The following MRPL21 variants were observed in gnomAD, a reference collection of about 807,000 sequenced individuals.
The protein encoded by MRPL21 is large ribosomal subunit protein bL21m.
Under a neutral mutation model 27.3 loss-of-function variants are expected in MRPL21, and 20 were observed. The observed-to-expected ratio is 0.73, with a 90% CI of 0.52 to 1.06. MRPL21 has a LOEUF of 1.06. MRPL21 is among the 50% of genes least tolerant of loss of function. MRPL21 has a pLI of 0.00. For missense variants in MRPL21, 249 were observed against 251.4 expected, an observed-to-expected ratio of 0.99 and a Z score of 0.06; for synonymous variants, 98 against 101.5, an observed-to-expected ratio of 0.97 and a Z score of 0.21.
rs374183424 is a variant in MRPL21, at chr11:68,892,980, G to C, written c.463C>G (p.Arg155Gly). The C allele has an allele frequency of 6.3e-7, 1 of 1,597,282 alleles. No individual in the cohort carries two copies. Among genetic ancestry groups the C allele is most frequent in the Admixed American group, 1.8e-5 (1 of 57,094 alleles). Residue 155 changes from arginine (R) to glycine (G), a missense_variant, in exon 6 of 7, where the codon CGA (arginine) becomes GGA (glycine). By Grantham distance (125) the Arg-to-Gly change is moderately radical (BLOSUM62 -2). Coordinates refer to ENST00000362034, the MANE Select transcript of MRPL21 (RefSeq NM_181514.2). Reference protein sequence around the residue: ...GKPLLGKDLVRVEATVIEKTE... With the variant: ...GKPLLGKDLVGVEATVIEKTE... The stretch of plus-strand genomic sequence containing the variant: ...TTTTCAATGACTGTGGCTTCTACTC[G>C]AACAAGATCCTTTCTAGAAGGAAGA...
Position 68,892,949 on chromosome 11 carries a change from T to C in MRPL21, c.494A>G (p.Glu165Gly). 6.2e-7 allele frequency: 1 copy of C among 1,612,392 alleles called. No homozygotes were observed. The highest frequency in any genetic ancestry group is 8.5e-7 in the Non-Finnish European group (1 of 1,179,206). Reference sequence around the variant, plus strand: ...TCTCATAATGATTCTTGGCCATGATTCTGTCTTTTCAATGACTGTGGCTTC... The same window carrying C: ...TCTCATAATGATTCTTGGCCATGATCCTGTCTTTTCAATGACTGTGGCTTC... ...RVEATVIEKT[E>G]SWPRIIMRFR... The change falls in exon 6 of 7, where the codon GAA becomes GGA. Residue 165 changes from glutamate to glycine, a missense_variant. Transcript: ENST00000362034.
intron 4 of MRPL21, among the ~76,000 whole-genome samples, chr11:68,893,965 T>C (rs1857717461): frequency 1.3e-5 from 2 of 151,886 alleles, no homozygotes; most frequent in South Asian, 2.1e-4. Flanking sequence ...TCCCAGCTAC[T>C]CAGGAGGCTG....
chr11:68,894,327 C>A (rs1215100377), intron 4 of MRPL21, among the ~76,000 whole-genome samples: 1 of 152,204 alleles, frequency 6.6e-6, no homozygotes, highest in Non-Finnish European at 1.5e-5. Context: ...GTCACCCAGG[C>A]TGGAGTGCAG....
intron 1 of MRPL21, 59 bp downstream of exon 1, chr11:68,903,664 G>C: frequency 1.3e-6 from 2 of 1,574,426 alleles, no homozygotes; most frequent in Non-Finnish European, 1.7e-6. Context: ...TACGTGGCGA[G>C]ACCGCAGGGA....
At chr11:68,900,471 T>C in intron 2 of MRPL21, 77 bp downstream of exon 2, 9 of 1,271,898 alleles carry the variant, frequency 7.1e-6, no homozygotes, top group Non-Finnish European at 1.0e-5. Flanking sequence ...AACCAAAAGG[T>C]AGGAAGTTTT....
chr11:68,893,281 T>G (rs1252360757), intron 5 of MRPL21, 122 bp downstream of exon 5: 2 of 1,529,318 alleles, frequency 1.3e-6, no homozygotes, highest in Non-Finnish European at 1.8e-6. Flanking sequence ...GTATAAATGT[T>G]GTGTTTGGTG....
intron 1 of MRPL21, among the ~76,000 whole-genome samples, chr11:68,902,355 T>C (rs77999249): frequency 0.037 from 5,597 of 152,312 alleles, 343 homozygotes; most frequent in African/African-American, 0.13. Context: ...ATGTCAAGCA[T>C]ACAAAAGTAA....
rs374183424 is a variant in MRPL21 at position 68,892,980 on chromosome 11, G to A, written c.463C>T (p.Arg155Ter). The A allele has an allele frequency of 7.5e-6, 12 of 1,597,164 alleles. No homozygotes were observed. Among genetic ancestry groups the A allele is most frequent in the East Asian group, 2.2e-5 (1 of 44,766 alleles). ...GKPLLGKDLV[R>*]VEATVIEKTE... The stretch of plus-strand genomic sequence containing the variant: ...TTTTCAATGACTGTGGCTTCTACTC[G>A]AACAAGATCCTTTCTAGAAGGAAGA... The change falls in exon 6 of 7, where the codon CGA becomes TGA. Residue 155 changes from arginine to a stop codon, truncating the protein, a stop_gained. Coordinates refer to ENST00000362034, the MANE Select transcript of MRPL21 (RefSeq NM_181514.2). LOFTEE classifies it high-confidence loss of function.
At chr11:68,900,412 T>C in intron 2 of MRPL21, 136 bp downstream of exon 2, 2 of 876,938 alleles carry the variant, frequency 2.3e-6, no homozygotes, top group East Asian at 5.1e-5. Flanking sequence ...GGAAACATAG[T>C]GAAACTCTGT....
In MRPL21 at chr11:68,892,995, T is replaced by C. The variant is rs1285583963; in HGVS notation, c.450-2A>G. ...GCTTCTACTCGAACAAGATCCTTTCTAGAAGGAAGAAAAATCAACAATAAT... is the reference window on the plus strand; with the variant it reads ...GCTTCTACTCGAACAAGATCCTTTCCAGAAGGAAGAAAAATCAACAATAAT... On this transcript the variant is annotated splice_acceptor_variant, in intron 5 of 6. Coordinates refer to ENST00000362034, the MANE Select transcript of MRPL21 (RefSeq NM_181514.2). LOFTEE classifies it high-confidence loss of function. 2.6e-6 allele frequency: 4 copies of C among 1,566,774 alleles called. No individual in the cohort carries two copies. The highest frequency in any genetic ancestry group is 1.4e-5 in the African/African-American group (1 of 72,944).
intron 2 of MRPL21, among the ~76,000 whole-genome samples, chr11:68,900,231 A>G (rs2154006028): frequency 6.6e-6 from 1 of 152,372 alleles, no homozygotes; most frequent in South Asian, 2.1e-4. Flanking sequence ...GAGAGCAAAC[A>G]CATACAGAAT....
chr11:68,896,771 G>C, intron 3 of MRPL21, 93 bp from the exon 4 acceptor site: 1 of 1,537,216 alleles, frequency 6.5e-7, no homozygotes, highest in South Asian at 1.2e-5. Flanking sequence ...GGGGCCCTAG[G>C]GTGGACCTGA....
Position 68,896,498 on chromosome 11 carries a change from A to C in MRPL21, c.396+17T>G, listed in dbSNP as rs979017784. Reference sequence around the variant, plus strand: ...TGGCTGAGTCCCTGAATATCCAGAGAAGCTCGGTGGTCTCACCTTCTCCAG... The same window carrying C: ...TGGCTGAGTCCCTGAATATCCAGAGCAGCTCGGTGGTCTCACCTTCTCCAG... On this transcript the variant is annotated intron_variant, in intron 4 of 6. Transcript: ENST00000362034. The C allele has an allele frequency of 1.9e-6, 3 of 1,613,188 alleles. No individual in the cohort carries two copies. The African/African-American group carries it at 4.0e-5, about 22-fold the overall frequency.
intron 6 of MRPL21, 136 bp from the exon 7 acceptor site, chr11:68,891,531 T>G: frequency 1.2e-6 from 1 of 841,294 alleles, no homozygotes; most frequent in Admixed American, 1.8e-5. Flanking sequence ...CGTGTTTATC[T>G]CCAGGTGTGC....
At chr11:68,895,059 G>C (rs1228544220) in intron 4 of MRPL21, among the ~76,000 whole-genome samples, 1 of 152,210 alleles carries the variant, frequency 6.6e-6, no homozygotes, top group Non-Finnish European at 1.5e-5. Context: ...GAGGTTGGGA[G>C]TTCAAGACCA....
intron 3 of MRPL21, 162 bp downstream of exon 3, chr11:68,897,765 G>A (rs949676035): frequency 1.3e-5 from 8 of 604,556 alleles, no homozygotes; most frequent in African/African-American, 7.4e-5. Flanking sequence ...TGAAATTCTG[G>A]TGTTAACTGG....
intron 4 of MRPL21, among the ~76,000 whole-genome samples, chr11:68,894,530 C>T (rs900766726): frequency 1.3e-5 from 2 of 152,308 alleles, no homozygotes; most frequent in Non-Finnish European, 1.5e-5. Context: ...GATCTGCCCG[C>T]CTCGGCTTCC....
chr11:68,897,174 T>C (rs1451314231), intron 3 of MRPL21, among the ~76,000 whole-genome samples: 1 of 152,126 alleles, frequency 6.6e-6, no homozygotes, highest in Non-Finnish European at 1.5e-5. Context: ...GCGTTCCCCC[T>C]GCACGCCTGT....
intron 2 of MRPL21, among the ~76,000 whole-genome samples, chr11:68,900,174 C>G (rs1485808629): frequency 1.3e-5 from 2 of 152,182 alleles, no homozygotes; most frequent in East Asian, 3.8e-4. Context: ...TACAAACTTC[C>G]TCATCAGAAA....
Sources: allele counts gnomAD v4.1 joint callset (sites outside exome capture counted in the v4.1 genomes callset), GRCh38; gene constraint gnomAD v4.1.1; transcripts MANE v1.5; gene names NCBI Gene and HGNC (gene_info 2026-07-23, HGNC 2026-07-21).